The following AFAP1 variants were observed in gnomAD, a reference collection of about 807,000 sequenced individuals.
AFAP1 encodes the protein actin filament-associated protein 1.
Under a neutral mutation model 93.9 loss-of-function variants are expected in AFAP1, and 75 were observed. The ratio of observed to expected loss-of-function variants is 0.80; its 90% confidence interval spans 0.66 to 0.97. The LOEUF (loss-of-function observed/expected upper bound fraction) is 0.97, where lower values mean the gene tolerates loss of function less well. Among genes scored for constraint, AFAP1 ranks in the 50% least tolerant of loss-of-function variants. The pLI, the probability that AFAP1 is intolerant of heterozygous loss-of-function variation, is 0.00. For missense variants in AFAP1, 1,201 were observed against 1,050.8 expected (o/e 1.14, Z -1.98); for synonymous variants, 517 against 430.7 (o/e 1.20, Z -2.48).
At chr4:7,890,698 TATC>T (rs1718421048) in intron 1 of AFAP1, among the ~76,000 whole-genome samples, 1 of 151,988 alleles carries the variant, frequency 6.6e-6, no homozygotes, top group East Asian at 1.9e-4. Flanking sequence ...AATATGCTAA[TATC>T]ATGAGTCATC....
At chr4:7,799,481 C>T (rs909997278) in intron 10 of AFAP1, among the ~76,000 whole-genome samples, 2 of 152,232 alleles carry the variant, frequency 1.3e-5, no homozygotes, top group African/African-American at 4.8e-5. Flanking sequence ...TGTCACTGTG[C>T]ACGCATGTAG....
At chr4:7,782,667 A>T (rs1274459665) in intron 12 of AFAP1, among the ~76,000 whole-genome samples, 1 of 152,226 alleles carries the variant, frequency 6.6e-6, no homozygotes, top group African/African-American at 2.4e-5. Context: ...ATGACAAGAA[A>T]GGCAGTATTA....
At position 7,871,951 on chromosome 4, in the gene AFAP1, C is replaced by T. The variant is rs1400693362; in HGVS notation, c.127+1G>A. 1 of 1,614,154 alleles carries T rather than the reference C, an allele frequency of 6.2e-7. No individual in the cohort carries two copies. The highest frequency in any genetic ancestry group is 8.5e-7 in the Non-Finnish European group (1 of 1,180,012). ...AAAGCAGGCGTCAGAATGAGACTCA[C>T]CTTTGGATGACTGTATTCTTAGCAG... On this transcript the variant is annotated splice_donor_variant, in intron 2 of 17. Coordinates refer to ENST00000420658, the MANE Select transcript of AFAP1 (RefSeq NM_001134647.2). LOFTEE classifies it high-confidence loss of function.
chr4:7,827,462 T>C (rs757857133), intron 6 of AFAP1, among the ~76,000 whole-genome samples: 1 of 151,200 alleles, frequency 6.6e-6, no homozygotes, highest in Non-Finnish European at 1.5e-5. Context: ...TCCCAGCTAC[T>C]TGGGAGGCTG....
At chr4:7,868,538 G>C (rs183344857) in intron 3 of AFAP1, 84 bp downstream of exon 3, 3 of 1,188,840 alleles carry the variant, frequency 2.5e-6, no homozygotes, top group Non-Finnish European at 1.2e-6. Context: ...CTTCCACACC[G>C]GGCTTCCATC....
rs190484179 is a variant in AFAP1, at chr4:7,851,142, G to C, written c.334+4324C>G. Among the ~76,000 whole-genome samples, 253 of 152,310 alleles carry C rather than the reference G, an allele frequency of 1.7e-3. 1 individual carries two copies. Among genetic ancestry groups the C allele is most frequent in the African/African-American group, 5.7e-3 (238 of 41,576 alleles). On this transcript the variant is annotated intron_variant, in intron 4 of 17. Transcript: ENST00000420658. Reference sequence around the variant, plus strand: ...TGGAGCACGGCTACACCATCCTTTAGAGAGAACCATCTTACTTCTGAGGAA... The same window carrying C: ...TGGAGCACGGCTACACCATCCTTTACAGAGAACCATCTTACTTCTGAGGAA...
chr4:7,770,465 G>T (rs979959511), intron 16 of AFAP1, among the ~76,000 whole-genome samples: 1 of 152,164 alleles, frequency 6.6e-6, no homozygotes, highest in African/African-American at 2.4e-5. Flanking sequence ...AGGGGCAGAG[G>T]ACACTGCAAG....
chr4:7,831,224 C>T (rs1381032722), intron 6 of AFAP1, among the ~76,000 whole-genome samples: 2 of 152,032 alleles, frequency 1.3e-5, no homozygotes, highest in African/African-American at 4.8e-5. Flanking sequence ...CTAGTTTTGT[C>T]ATCTGACTTT....
intron 1 of AFAP1, among the ~76,000 whole-genome samples, chr4:7,903,214 T>A (rs1317629757): frequency 2.0e-5 from 3 of 152,108 alleles, no homozygotes; most frequent in Non-Finnish European, 2.9e-5. Flanking sequence ...TGACTAACTA[T>A]CTAGGTGCCA....
rs200172911 is a variant in AFAP1, at chr4:7,838,859, T to C, written c.547-156A>G. On this transcript the variant is annotated intron_variant, in intron 5 of 17. Coordinates refer to ENST00000420658, the MANE Select transcript of AFAP1 (RefSeq NM_001134647.2). ...TCACACACACACACACACACACACA[T>C]ACACACAGTGCTCTTCACAGACACT... Among the ~76,000 whole-genome samples the C allele has an allele frequency of 2.1e-3, 312 of 147,820 alleles. 12 individuals are homozygous for C. In the East Asian group the frequency reaches 0.056, roughly 27 times the overall value.
At chr4:7,834,454 A>C (rs561587390) in intron 6 of AFAP1, among the ~76,000 whole-genome samples, 3 of 152,368 alleles carry the variant, frequency 2.0e-5, no homozygotes, top group South Asian at 4.1e-4. Flanking sequence ...ACGAATCAAC[A>C]CTAAAGAACT....
intron 4 of AFAP1, among the ~76,000 whole-genome samples, chr4:7,850,730 A>G (rs942605440): frequency 6.6e-6 from 1 of 152,238 alleles, no homozygotes; most frequent in Non-Finnish European, 1.5e-5. Context: ...CAGGTCCCCC[A>G]GCTGCTTGCT....
intron 3 of AFAP1, among the ~76,000 whole-genome samples, chr4:7,860,378 A>C (rs1377285788): frequency 4.6e-5 from 7 of 152,076 alleles, no homozygotes; most frequent in Admixed American, 4.6e-4. Context: ...ATGCTCCAAA[A>C]TCCAAAACTT....
At chr4:7,867,522 C>T (rs1363804983) in intron 3 of AFAP1, among the ~76,000 whole-genome samples, 2 of 152,310 alleles carry the variant, frequency 1.3e-5, no homozygotes, top group East Asian at 3.9e-4. Context: ...ATGCTTGCAT[C>T]TGATTTGCTG....
intron 1 of AFAP1, among the ~76,000 whole-genome samples, chr4:7,926,386 G>C (rs1007411735): frequency 2.6e-5 from 4 of 152,154 alleles, no homozygotes; most frequent in African/African-American, 9.7e-5. Flanking sequence ...GAGTCAAAAT[G>C]AACCTCTGCC....
intron 5 of AFAP1, among the ~76,000 whole-genome samples, chr4:7,841,003 T>C (rs1712943859): frequency 6.6e-6 from 1 of 152,232 alleles, no homozygotes; most frequent in Admixed American, 6.5e-5. Flanking sequence ...GGGAACTTTA[T>C]AACATATTCT....
chr4:7,804,731 G>A (rs1298294873), intron 9 of AFAP1, among the ~76,000 whole-genome samples: 1 of 152,184 alleles, frequency 6.6e-6, no homozygotes, highest in Non-Finnish European at 1.5e-5. Context: ...CCACCCCAGA[G>A]GCTACTGTGC....
intron 10 of AFAP1, among the ~76,000 whole-genome samples, chr4:7,797,071 TTAA>T (rs60056317): frequency 2.0e-5 from 3 of 151,320 alleles, no homozygotes; most frequent in Admixed American, 1.3e-4. Flanking sequence ...AAAATAATAA[TTAA>T]TAATAATAAT....
chr4:7,768,766 C>T, intron 17 of AFAP1, 78 bp downstream of exon 17: 2 of 1,445,194 alleles, frequency 1.4e-6, no homozygotes, highest in East Asian at 2.5e-5. Context: ...GAATGGGCTC[C>T]CTACTCACAC....
Sources: allele counts gnomAD v4.1 joint callset (sites outside exome capture counted in the v4.1 genomes callset), GRCh38; gene constraint gnomAD v4.1.1; transcripts MANE v1.5; gene names NCBI Gene and HGNC (gene_info 2026-07-23, HGNC 2026-07-21).